MIOS: variants seen among roughly 807,000 people sequenced by gnomAD.
MIOS encodes meiosis regulator for oocyte development.
A neutral mutation model predicts 96.9 loss-of-function variants in MIOS; 52 were observed. The observed-to-expected ratio is 0.54, with a 90% CI of 0.43 to 0.68. The LOEUF (loss-of-function observed/expected upper bound fraction) is 0.68, where lower values mean the gene tolerates loss of function less well. Ranked by LOEUF, MIOS falls within the 30% of genes least tolerant of loss-of-function variation. The probability of loss-of-function intolerance (pLI) is 0.00; values close to 1 mark genes in which losing one functional copy is unlikely to be tolerated. For synonymous variants in MIOS, 397 were observed against 359.5 expected (o/e 1.10, Z -1.18); for missense variants, 1,005 against 1,052.8 (o/e 0.95, Z 0.63).
intron 11 of MIOS, among the ~76,000 whole-genome samples, chr7:7,604,677 C>T (rs1413676544): frequency 6.6e-6 from 1 of 152,162 alleles, no homozygotes; most frequent in East Asian, 1.9e-4. Context: ...TCATAATTCA[C>T]TATAAATCTT....
At chr7:7,574,064 A>G (rs1409189893) in intron 4 of MIOS, 34 bp from the exon 5 acceptor site, 3 of 1,431,806 alleles carry the variant, frequency 2.1e-6, no homozygotes, top group South Asian at 2.4e-5. Flanking sequence ...ATATATTGTC[A>G]TGCATCACTA....
intron 5 of MIOS, among the ~76,000 whole-genome samples, chr7:7,575,623 A>G (rs962532957): frequency 6.6e-6 from 1 of 152,180 alleles, no homozygotes; most frequent in African/African-American, 2.4e-5. Context: ...TTTTAGCTAT[A>G]TAGTAGATCA....
chr7:7,608,304 CTTATT>C lies in MIOS; in HGVS notation c.*1217_*1221del, dbSNP rs1784584289. 1 of 151,988 alleles carries C rather than the reference CTTATT, an allele frequency of 6.6e-6. No homozygotes were observed. Among genetic ancestry groups the C allele is most frequent in the Admixed American group, 6.6e-5 (1 of 15,232 alleles). 9.4% of individuals were successfully genotyped at this position (151,988 alleles called of 1,614,324 possible). A position where few individuals can be genotyped will look rare whatever the true frequency, so the allele number is the denominator to read the frequency against. ...GAAGCTGTGTTCATAAAGAGTAAAT[CTTATT>C]TTATAGATTTTGGAGAAATAAAACA... On this transcript the variant is annotated 3_prime_UTR_variant, in exon 13 of 13. Transcript: ENST00000340080.
intron 11 of MIOS, among the ~76,000 whole-genome samples, chr7:7,596,702 A>C (rs1033347632): frequency 9.2e-5 from 14 of 152,194 alleles, no homozygotes; most frequent in African/African-American, 3.1e-4. Context: ...TTGTGAGAAA[A>C]ACTTAAATAT....
At chr7:7,576,377 T>C (rs1165117883) in intron 5 of MIOS, among the ~76,000 whole-genome samples, 4 of 152,160 alleles carry the variant, frequency 2.6e-5, no homozygotes, top group Non-Finnish European at 5.9e-5. Context: ...GTTTAGAATA[T>C]AGACAAGTAA....
At chr7:7,589,594 A>G in intron 9 of MIOS, 31 bp downstream of exon 9, 1 of 1,571,780 alleles carries the variant, frequency 6.4e-7, no homozygotes, top group Non-Finnish European at 8.6e-7. Context: ...GCTTTTAAAA[A>G]AGTAACAATA....
At chr7:7,596,539 A>G (rs1450897286) in intron 11 of MIOS, 78 bp downstream of exon 11, 1 of 1,339,128 alleles carries the variant, frequency 7.5e-7, no homozygotes, top group African/African-American at 1.4e-5. Context: ...CAAATAAAAT[A>G]CAAACTAGCT....
At position 7,572,469 on chromosome 7, in the gene MIOS, A is replaced by G. The variant is rs767021812; in HGVS notation, c.-7A>G. ...CCTGAGTGGACCCTTTGATCACATCAGTAAACATGAGCGGTACCAAACCTG... is the reference window on the plus strand; with the variant it reads ...CCTGAGTGGACCCTTTGATCACATCGGTAAACATGAGCGGTACCAAACCTG... On this transcript the variant is annotated 5_prime_UTR_variant, in exon 4 of 13. Transcript: ENST00000340080. This position sits in a 1 kb window ranked among gnomAD's most constrained non-coding sequence, Gnocchi z 4.8. The G allele has an allele frequency of 3.1e-6, 5 of 1,605,484 alleles. No homozygotes were observed. The highest frequency in any genetic ancestry group is 1.1e-5 in the South Asian group (1 of 90,512).
chr7:7,576,938 A>T (rs1412680898), intron 5 of MIOS, among the ~76,000 whole-genome samples: 1 of 152,176 alleles, frequency 6.6e-6, no homozygotes, highest in Non-Finnish European at 1.5e-5. Context: ...AGTTAATTTT[A>T]AGTATGTTAA....
intron 3 of MIOS, among the ~76,000 whole-genome samples, chr7:7,570,948 A>G (rs1302824540): frequency 1.3e-5 from 2 of 152,184 alleles, no homozygotes; most frequent in Admixed American, 6.5e-5. Context: ...ATATGAGTCT[A>G]TGAAGTTTTA....
intron 9 of MIOS, among the ~76,000 whole-genome samples, chr7:7,594,232 C>G (rs1458460041): frequency 6.6e-6 from 1 of 151,844 alleles, no homozygotes; most frequent in South Asian, 2.1e-4. Context: ...CATCTCAGTT[C>G]ACCGTGCATT....
In MIOS at chr7:7,572,470, G is replaced by A; in HGVS notation, c.-6G>A. 1 of 1,606,156 alleles carries A rather than the reference G, an allele frequency of 6.2e-7. No homozygotes were observed. Among genetic ancestry groups the A allele is most frequent in the Non-Finnish European group, 8.5e-7 (1 of 1,174,140 alleles). The stretch of plus-strand genomic sequence containing the variant: ...CTGAGTGGACCCTTTGATCACATCA[G>A]TAAACATGAGCGGTACCAAACCTGA... On this transcript the variant is annotated 5_prime_UTR_variant, in exon 4 of 13. Transcript: ENST00000340080. The surrounding 1 kb of genome is among the most constrained non-coding windows in gnomAD (Gnocchi z 4.8).
chr7:7,602,458 T>C (rs1018002867), intron 11 of MIOS, among the ~76,000 whole-genome samples: 10 of 152,066 alleles, frequency 6.6e-5, no homozygotes, highest in Non-Finnish European at 1.5e-4. Flanking sequence ...AAATCATGAG[T>C]GAACTCCCAT....
In MIOS at chr7:7,600,148, T is replaced by C. The variant is rs970305218; in HGVS notation, c.2401+3687T>C. ...TTTACCTGTATAACAAACCTGCACA[T>C]GTACCCCTGAAACTAAAGTAAAAGT... On this transcript the variant is annotated intron_variant, in intron 11 of 12. Transcript: ENST00000340080. Among the ~76,000 whole-genome samples, 5 of 151,890 alleles carry C rather than the reference T, an allele frequency of 3.3e-5. 1 individual carries two copies. The East Asian group carries it at 7.7e-4, about 23-fold the overall frequency.
At chr7:7,577,064 A>G (rs969639075) in intron 5 of MIOS, among the ~76,000 whole-genome samples, 1 of 152,216 alleles carries the variant, frequency 6.6e-6, no homozygotes, top group African/African-American at 2.4e-5. Flanking sequence ...CAGGGGAGGA[A>G]TATAATGTAT....
At chr7:7,590,190 CAT>C (rs1201699250) in intron 9 of MIOS, among the ~76,000 whole-genome samples, 1 of 152,118 alleles carries the variant, frequency 6.6e-6, no homozygotes, top group Non-Finnish European at 1.5e-5. Context: ...CCCTCATCCT[CAT>C]ATCACAATAT....
intron 11 of MIOS, among the ~76,000 whole-genome samples, chr7:7,597,151 C>T (rs1472854503): frequency 6.6e-6 from 1 of 151,830 alleles, no homozygotes; most frequent in Non-Finnish European, 1.5e-5. Context: ...ATCGTGAAAC[C>T]TCGTCTCTAC....
chr7:7,578,623 T>A (rs1783612552), intron 5 of MIOS, among the ~76,000 whole-genome samples: 1 of 152,232 alleles, frequency 6.6e-6, no homozygotes, highest in African/African-American at 2.4e-5. Flanking sequence ...TATTGCTTAG[T>A]TACTACATAG....
intron 5 of MIOS, among the ~76,000 whole-genome samples, chr7:7,581,298 A>G (rs931044217): frequency 1.3e-5 from 2 of 152,006 alleles, no homozygotes; most frequent in African/African-American, 4.8e-5. Context: ...GCAAGACTCC[A>G]TCTCAAAAAA....
Sources: allele counts gnomAD v4.1 joint callset (sites outside exome capture counted in the v4.1 genomes callset), GRCh38; gene constraint gnomAD v4.1.1; non-coding constraint Gnocchi (gnomAD v3.1); transcripts MANE v1.5; gene names NCBI Gene and HGNC (gene_info 2026-07-23, HGNC 2026-07-21).